The following PDZK1 variants were observed in gnomAD, a reference collection of about 807,000 sequenced individuals.
PDZK1 encodes the protein Na(+)/H(+) exchange regulatory cofactor NHE-RF3.
A neutral mutation model predicts 38.1 loss-of-function variants in PDZK1; 23 were observed. The observed-to-expected ratio is 0.60, with a 90% CI of 0.43 to 0.85. The LOEUF (loss-of-function observed/expected upper bound fraction) is 0.85. Ranked by LOEUF, PDZK1 falls within the 40% of genes least tolerant of loss-of-function variation. The pLI, the probability that PDZK1 is intolerant of heterozygous loss-of-function variation, is 0.00. For missense variants in PDZK1, 297 were observed against 504.3 expected (o/e 0.59, Z 3.94); for synonymous variants, 98 against 186.2 (o/e 0.53, Z 3.86).
At chr1:145,673,634 C>T (rs1653317259) in intron 7 of PDZK1, 23 bp downstream of exon 7, 1 of 1,520,482 alleles carries the variant, frequency 6.6e-7, no homozygotes, top group South Asian at 1.2e-5. Context: ...GTTTGTTGGG[C>T]TGCTGGAACC....
At chr1:145,682,759 T>C in intron 3 of PDZK1, 123 bp from the exon 4 acceptor site, 1 of 1,269,038 alleles carries the variant, frequency 7.9e-7, no homozygotes, top group Non-Finnish European at 1.1e-6. Flanking sequence ...TCTACTTCAT[T>C]TACTGTCCCT....
chr1:145,678,963 G>C (rs1197435061), intron 5 of PDZK1, among the ~76,000 whole-genome samples: 1 of 151,230 alleles, frequency 6.6e-6, no homozygotes, highest in Non-Finnish European at 1.5e-5. Flanking sequence ...TTCCCAGAAA[G>C]TCAGTGGGCA....
At chr1:145,701,385 C>T (rs1655952412) in intron 1 of PDZK1, among the ~76,000 whole-genome samples, 2 of 151,636 alleles carry the variant, frequency 1.3e-5, no homozygotes, top group Admixed American at 1.3e-4. Context: ...TAAACCTAGA[C>T]ATTACTTGCT....
At position 145,672,854 on chromosome 1, in the gene PDZK1, T is replaced by A; in HGVS notation, c.1382A>T (p.Asp461Val). The A allele has an allele frequency of 1.9e-6, 3 of 1,610,962 alleles. No individual in the cohort carries two copies. The highest frequency in any genetic ancestry group is 2.5e-6 in the Non-Finnish European group (3 of 1,179,206). ...TLLVCGKKAY[D>V]YFQAKKIPIV... ...AGGGATTTTCTTAGCTTGGAAATAATCATAGGCCTTCTTTCCACAGACTAG... is the reference window on the plus strand; with the variant it reads ...AGGGATTTTCTTAGCTTGGAAATAAACATAGGCCTTCTTTCCACAGACTAG... The change falls in exon 8 of 9, where the codon GAT becomes GTT. Residue 461 changes from aspartate (D) to valine (V), a missense_variant. Coordinates refer to ENST00000417171, the MANE Select transcript of PDZK1 (RefSeq NM_001201325.2).
chr1:145,696,578 G>T (rs587612195), intron 1 of PDZK1, among the ~76,000 whole-genome samples: 1 of 152,322 alleles, frequency 6.6e-6, no homozygotes, highest in Admixed American at 6.5e-5. Context: ...ACAGGGAGAA[G>T]ACAGGAGAGG....
chr1:145,704,041 C>T (rs1311303277), intron 1 of PDZK1, among the ~76,000 whole-genome samples: 2 of 152,148 alleles, frequency 1.3e-5, no homozygotes, highest in Non-Finnish European at 2.9e-5. Context: ...GTTGGCCAGG[C>T]TGGTCTCAAA....
intron 5 of PDZK1, among the ~76,000 whole-genome samples, chr1:145,680,401 G>T (rs1553700085): frequency 2.0e-5 from 3 of 151,980 alleles, no homozygotes; most frequent in African/African-American, 7.3e-5. Context: ...AAAGAACCTA[G>T]TGTTCTTCCT....
intron 1 of PDZK1, among the ~76,000 whole-genome samples, chr1:145,696,341 G>A (rs782183643): frequency 3.3e-5 from 5 of 152,090 alleles, no homozygotes; most frequent in Admixed American, 1.3e-4. Flanking sequence ...TTCAAGCCCC[G>A]AACTCCCCTT....
intron 1 of PDZK1, among the ~76,000 whole-genome samples, chr1:145,704,654 T>C (rs1656154741): frequency 6.6e-6 from 1 of 152,196 alleles, no homozygotes. Flanking sequence ...TTAGCCATGA[T>C]ACCCATCAGG....
At chr1:145,702,228 C>T (rs1655997958) in intron 1 of PDZK1, among the ~76,000 whole-genome samples, 1 of 152,168 alleles carries the variant, frequency 6.6e-6, no homozygotes, top group South Asian at 2.1e-4. Flanking sequence ...TACCTCCAGC[C>T]ACCATAAACA....
At chr1:145,676,215 T>G (rs1391049388) in intron 6 of PDZK1, 17 of 977,814 alleles carry the variant, frequency 1.7e-5, no homozygotes, top group Non-Finnish European at 1.9e-5. Flanking sequence ...CAAAGTTCTC[T>G]ATTAACCAAA....
chr1:145,671,780 A>G (rs1653085237), intron 8 of PDZK1: 1 of 343,066 alleles, frequency 2.9e-6, no homozygotes, highest in Non-Finnish European at 5.5e-6. Flanking sequence ...TTGACACATT[A>G]ACAAATTCCT....
chr1:145,703,315 A>C (rs1254890175), intron 1 of PDZK1, among the ~76,000 whole-genome samples: 1 of 152,116 alleles, frequency 6.6e-6, no homozygotes, highest in Admixed American at 6.5e-5. Context: ...GAGAGTTATG[A>C]AGTTTAACTG....
intron 1 of PDZK1, among the ~76,000 whole-genome samples, chr1:145,694,076 T>C (rs2101919677): frequency 6.6e-6 from 1 of 152,324 alleles, no homozygotes; most frequent in South Asian, 2.1e-4. Flanking sequence ...GTTCTAGTTC[T>C]GAGTCGGGGG....
At position 145,675,851 on chromosome 1, in the gene PDZK1, C is replaced by T. The variant is rs587643607; in HGVS notation, c.991-1970G>A. On this transcript the variant is annotated intron_variant, in intron 6 of 8. Coordinates refer to ENST00000417171, the MANE Select transcript of PDZK1 (RefSeq NM_001201325.2). Reference sequence around the variant, plus strand: ...GGCCAAAATGGTGAAACCTCATTCTCTACTAAAAATATAAAAATTAGCCAG... The same window carrying T: ...GGCCAAAATGGTGAAACCTCATTCTTTACTAAAAATATAAAAATTAGCCAG... Among the ~76,000 whole-genome samples the T allele has an allele frequency of 3.3e-3, 502 of 151,642 alleles. 6 individuals are homozygous for T. Among genetic ancestry groups the T allele is most frequent in the African/African-American group, 0.012 (484 of 41,330 alleles).
At chr1:145,700,137 C>G (rs1411874460) in intron 1 of PDZK1, among the ~76,000 whole-genome samples, 15 of 152,192 alleles carry the variant, frequency 9.9e-5, no homozygotes, top group African/African-American at 3.6e-4. Flanking sequence ...CCTCAATGAT[C>G]AGGCAAGGGA....
intron 6 of PDZK1, among the ~76,000 whole-genome samples, chr1:145,675,367 G>GTGA (rs1653544893): frequency 7.0e-6 from 1 of 142,578 alleles, no homozygotes; most frequent in Non-Finnish European, 1.5e-5. Flanking sequence ...GCAATGGAAG[G>GTGA]TGAGCACAGT....
At chr1:145,679,300 C>T (rs1172958833) in intron 5 of PDZK1, among the ~76,000 whole-genome samples, 1 of 151,970 alleles carries the variant, frequency 6.6e-6, no homozygotes, top group Non-Finnish European at 1.5e-5. Context: ...ATTCTCCATC[C>T]CAAAGCCCCT....
intron 6 of PDZK1, among the ~76,000 whole-genome samples, chr1:145,677,909 GTAAAAAAAAAAA>G (rs1326988828): frequency 3.5e-4 from 2 of 5,770 alleles, no homozygotes; most frequent in Non-Finnish European, 6.6e-4. Flanking sequence ...TGTGTTAAAA[GTAAAAAAAAAAA>G]AAAAAAAAAA....
Sources: gnomAD v4.1 joint callset for allele counts (sites outside exome capture counted in the v4.1 genomes callset) on GRCh38, gnomAD v4.1.1 for gene constraint, MANE v1.5 for transcripts, NCBI Gene and HGNC (gene_info 2026-07-23, HGNC 2026-07-21) for gene names.